The following FANCC variants were observed in gnomAD, a reference collection of about 807,000 sequenced individuals.
FANCC encodes the protein Fanconi anemia group C protein.
In FANCC, 55 loss-of-function variants were observed where a neutral mutation model predicts 71.3. The observed-to-expected ratio is 0.77, with a 90% CI of 0.62 to 0.97. FANCC has a LOEUF of 0.97. FANCC is among the 50% of genes least tolerant of loss of function. The pLI is 0.00. For synonymous variants in FANCC, 275 were observed against 244.9 expected, an observed-to-expected ratio of 1.12 and a Z score of -1.15; for missense variants, 678 against 670.9, an observed-to-expected ratio of 1.01 and a Z score of -0.12.
chr9:95,105,189 A>C (rs3824486), intron 14 of FANCC, among the ~76,000 whole-genome samples: 1 of 151,944 alleles, frequency 6.6e-6, no homozygotes, highest in Admixed American at 6.5e-5. Context: ...GCCTGGGCCC[A>C]CTCCACAGGA....
intron 1 of FANCC, among the ~76,000 whole-genome samples, chr9:95,314,782 G>A (rs1349326532): frequency 1.3e-5 from 2 of 151,966 alleles, no homozygotes; most frequent in African/African-American, 2.4e-5. Context: ...GGCAAAATTT[G>A]TACACTGAAA....
At chr9:95,151,426 AC>A (rs1415833726) in intron 6 of FANCC, among the ~76,000 whole-genome samples, 1 of 152,258 alleles carries the variant, frequency 6.6e-6, no homozygotes, top group East Asian at 1.9e-4. Flanking sequence ...TTTGTGAAAC[AC>A]AAATGAAACC....
At chr9:95,158,673 T>C (rs1188852547) in intron 6 of FANCC, among the ~76,000 whole-genome samples, 1 of 152,252 alleles carries the variant, frequency 6.6e-6, no homozygotes, top group Non-Finnish European at 1.5e-5. Flanking sequence ...GGGATTGATA[T>C]GCAGTTATGG....
chr9:95,294,017 A>T lies in FANCC; in HGVS notation c.-79+23509T>A, dbSNP rs1020396416. ...CCTAAGACTTTAAATCAAGAGATTGAGAAATGTGCACCAATTATAAACTTC... is the reference window on the plus strand; with the variant it reads ...CCTAAGACTTTAAATCAAGAGATTGTGAAATGTGCACCAATTATAAACTTC... On this transcript the variant is annotated intron_variant, in intron 1 of 14. Transcript: ENST00000289081. 4 of 1,595,496 alleles carry T rather than the reference A, an allele frequency of 2.5e-6. No homozygotes were observed. In the African/African-American group the frequency reaches 5.4e-5, roughly 21 times the overall value.
chr9:95,108,219 C>G (rs1483680610), intron 13 of FANCC, among the ~76,000 whole-genome samples: 2 of 152,138 alleles, frequency 1.3e-5, no homozygotes, highest in African/African-American at 4.8e-5. Flanking sequence ...TGTGTGAGCT[C>G]CTCTGACCAC....
intron 10 of FANCC, among the ~76,000 whole-genome samples, chr9:95,124,141 G>T (rs939849190): frequency 6.8e-6 from 1 of 146,336 alleles, no homozygotes. Flanking sequence ...TAGAAATATC[G>T]GCTAAAACCT....
intron 4 of FANCC, among the ~76,000 whole-genome samples, chr9:95,222,761 A>T (rs1979022): frequency 0.48 from 72,362 of 152,048 alleles, 17,600 homozygotes; most frequent in East Asian, 0.58. Context: ...ATGATTCCAT[A>T]ATCCTAACAA....
chr9:95,248,613 C>T (rs1461235889), intron 2 of FANCC, among the ~76,000 whole-genome samples: 2 of 151,656 alleles, frequency 1.3e-5, no homozygotes, highest in Admixed American at 1.3e-4. Context: ...ATAAAAATAT[C>T]TATCATAATA....
chr9:95,251,933 T>C (rs1056614881), intron 1 of FANCC, among the ~76,000 whole-genome samples: 3 of 152,040 alleles, frequency 2.0e-5, no homozygotes, highest in South Asian at 4.2e-4. Context: ...AGAGCTATGA[T>C]TGTGGAATAT....
intron 4 of FANCC, among the ~76,000 whole-genome samples, chr9:95,181,011 T>C (rs1826320145): frequency 1.3e-5 from 2 of 152,160 alleles, no homozygotes; most frequent in African/African-American, 2.4e-5. Flanking sequence ...CTTTAACATA[T>C]AATGTCCTGG....
Position 95,286,196 on chromosome 9 carries a change from ATTAT to A in FANCC, c.-79+31326_-79+31329del, listed in dbSNP as rs1182176993. On this transcript the variant is annotated intron_variant, in intron 1 of 14. Transcript: ENST00000289081. Reference sequence around the variant, plus strand: ...AACAGTTTTCTTTGTGTAATGCCAGATTATTTTATTGTACTTTTCATTAATTTAT... The same window carrying A: ...AACAGTTTTCTTTGTGTAATGCCAGATTTATTGTACTTTTCATTAATTTAT... Among the ~76,000 whole-genome samples, 11 of 152,338 alleles carry A rather than the reference ATTAT, an allele frequency of 7.2e-5. No individual in the cohort carries two copies. In the South Asian group the frequency reaches 1.9e-3, roughly 26 times the overall value.
intron 1 of FANCC, among the ~76,000 whole-genome samples, chr9:95,316,606 G>C (rs954201412): frequency 1.3e-5 from 2 of 152,156 alleles, no homozygotes; most frequent in African/African-American, 2.4e-5. Context: ...CAGATGCCCG[G>C]GAGTTTTCCA....
At chr9:95,149,800 G>C (rs1830036782) in intron 7 of FANCC, 123 bp downstream of exon 7, 10 of 1,105,332 alleles carry the variant, frequency 9.0e-6, no homozygotes, top group Non-Finnish European at 1.3e-5. Context: ...TAATTTTTAA[G>C]AGTATAAAGG....
chr9:95,249,653 C>T (rs1831209827), intron 1 of FANCC, among the ~76,000 whole-genome samples: 1 of 152,148 alleles, frequency 6.6e-6, no homozygotes, highest in Non-Finnish European at 1.5e-5. Flanking sequence ...TTTATATCTT[C>T]TTTTTAAGAT....
intron 4 of FANCC, among the ~76,000 whole-genome samples, chr9:95,181,219 C>T (rs1000470248): frequency 1.3e-5 from 2 of 150,138 alleles, no homozygotes; most frequent in Admixed American, 6.6e-5. Context: ...TTTTAATTTA[C>T]GTTTTTCCAT....
chr9:95,123,740 T>C, intron 10 of FANCC: 8 of 693,044 alleles, frequency 1.2e-5, no homozygotes, highest in South Asian at 1.1e-4. Context: ...GCTACATTAC[T>C]GTCTGAGTTG....
chr9:95,215,305 G>A (rs1010722609), intron 4 of FANCC, among the ~76,000 whole-genome samples: 3 of 152,066 alleles, frequency 2.0e-5, no homozygotes, highest in Non-Finnish European at 2.9e-5. Flanking sequence ...CAGTTTATAC[G>A]GTCTCTGAAG....
In FANCC at chr9:95,206,555, T is replaced by C. The variant is rs564781537; in HGVS notation, c.345+34094A>G. Reference sequence around the variant, plus strand: ...GACACTTTTAACATTACGCTTTCAATTTTCACAAAAATGGCTTAACTTACC... The same window carrying C: ...GACACTTTTAACATTACGCTTTCAACTTTCACAAAAATGGCTTAACTTACC... On this transcript the variant is annotated intron_variant, in intron 4 of 14. Coordinates refer to ENST00000289081, the MANE Select transcript of FANCC (RefSeq NM_000136.3). Among the ~76,000 whole-genome samples the C allele has an allele frequency of 5.9e-5, 9 of 152,286 alleles. No homozygotes were observed. The South Asian group carries it at 1.9e-3, about 32-fold the overall frequency.
chr9:95,138,783 A>G (rs1828122958), intron 7 of FANCC, among the ~76,000 whole-genome samples: 2 of 152,206 alleles, frequency 1.3e-5, no homozygotes, highest in South Asian at 4.1e-4. Flanking sequence ...ACATGAACCA[A>G]TGAAGAACCG....
Sources: gnomAD v4.1 joint callset for allele counts (sites outside exome capture counted in the v4.1 genomes callset) on GRCh38, gnomAD v4.1.1 for gene constraint, MANE v1.5 for transcripts, NCBI Gene and HGNC (gene_info 2026-07-23, HGNC 2026-07-21) for gene names.